CSMD3: variants seen among roughly 807,000 people sequenced by gnomAD.
CSMD3 encodes the protein CUB and Sushi multiple domains 3.
A neutral mutation model predicts 435.2 loss-of-function variants in CSMD3; 177 were observed. The observed-to-expected ratio is 0.41, with a 90% CI of 0.36 to 0.46. The LOEUF (loss-of-function observed/expected upper bound fraction) is 0.46. Ranked by LOEUF, CSMD3 falls within the 20% of genes least tolerant of loss-of-function variation. The probability of loss-of-function intolerance (pLI) is 0.34; values close to 1 mark genes in which losing one functional copy is unlikely to be tolerated. For missense variants in CSMD3, 4,265 were observed against 4,504.6 expected (o/e 0.95, Z 1.52); for synonymous variants, 1,656 against 1,520.5 (o/e 1.09, Z -2.07).
chr8:113,287,452 A>G (rs547499952), intron 2 of CSMD3, among the ~76,000 whole-genome samples: 12 of 152,186 alleles, frequency 7.9e-5, no homozygotes, highest in Non-Finnish European at 1.5e-4. Flanking sequence ...CAGCACAATA[A>G]TTCATGGTTA....
At chr8:113,219,638 A>G (rs968313387) in intron 3 of CSMD3, among the ~76,000 whole-genome samples, 1 of 151,438 alleles carries the variant, frequency 6.6e-6, no homozygotes, top group Non-Finnish European at 1.5e-5. Context: ...TCTTCAAACA[A>G]TACATCAGAA....
intron 59 of CSMD3, among the ~76,000 whole-genome samples, chr8:112,279,318 T>C (rs1818404113): frequency 6.6e-6 from 1 of 152,192 alleles, no homozygotes; most frequent in African/African-American, 2.4e-5. Context: ...AGGTATATCC[T>C]GTACTTTAGA....
chr8:112,263,137 T>TAAAAAAAAAAAAAAAAAAAAAAA (rs58022386), intron 61 of CSMD3, among the ~76,000 whole-genome samples: 1 of 138,020 alleles, frequency 7.2e-6, no homozygotes. Context: ...GCAACCTCTG[T>TAAAAAAAAAAAAAAAAAAAAAAA]AAAAAAAAAA....
At chr8:113,357,617 G>C (rs2094240722) in intron 1 of CSMD3, among the ~76,000 whole-genome samples, 2 of 152,094 alleles carry the variant, frequency 1.3e-5, no homozygotes, top group Non-Finnish European at 2.9e-5. Flanking sequence ...TGTCTTCTTG[G>C]AGTATGATAT....
At chr8:112,284,880 G>C (rs1394817354) in intron 58 of CSMD3, among the ~76,000 whole-genome samples, 1 of 151,786 alleles carries the variant, frequency 6.6e-6, no homozygotes, top group Non-Finnish European at 1.5e-5. Context: ...TAAAGTTCTA[G>C]TTTTGCTGCT....
intron 22 of CSMD3, among the ~76,000 whole-genome samples, chr8:112,632,737 A>T (rs936288814): frequency 6.6e-6 from 1 of 152,154 alleles, no homozygotes; most frequent in Admixed American, 6.5e-5. Flanking sequence ...GAAATCATGT[A>T]CTTATATCTT....
At chr8:112,345,469 T>G (rs1274265700) in intron 41 of CSMD3, among the ~76,000 whole-genome samples, 1 of 152,118 alleles carries the variant, frequency 6.6e-6, no homozygotes, top group Non-Finnish European at 1.5e-5. Context: ...GGGCATTATG[T>G]TAAGTGCAAT....
In CSMD3 at chr8:112,618,844, T is replaced by C. The variant is rs577009254; in HGVS notation, c.3715+17973A>G. On this transcript the variant is annotated intron_variant, in intron 22 of 70. Transcript: ENST00000297405. Reference sequence around the variant, plus strand: ...ATATTCATGATTAAGTTAACTCCTATAACTGTTTCTTTTTGGGCTTAATTC... The same window carrying C: ...ATATTCATGATTAAGTTAACTCCTACAACTGTTTCTTTTTGGGCTTAATTC... Among the ~76,000 whole-genome samples the C allele has an allele frequency of 8.5e-5, 13 of 152,262 alleles. No homozygotes were observed. The South Asian group carries it at 2.7e-3, about 32-fold the overall frequency.
At chr8:112,586,091 T>G (rs1204719829) in intron 23 of CSMD3, among the ~76,000 whole-genome samples, 1 of 151,658 alleles carries the variant, frequency 6.6e-6, no homozygotes, top group Non-Finnish European at 1.5e-5. Flanking sequence ...ACAAATCTTA[T>G]AAGCATATCA....
chr8:112,663,102 G>C (rs1218822371), intron 17 of CSMD3, among the ~76,000 whole-genome samples: 1 of 152,072 alleles, frequency 6.6e-6, no homozygotes, highest in African/African-American at 2.4e-5. Context: ...TCTAGAACTA[G>C]AAATACCATT....
intron 46 of CSMD3, 26 bp downstream of exon 46, chr8:112,319,875 C>T (rs534211822): frequency 1.3e-6 from 2 of 1,514,664 alleles, no homozygotes; most frequent in African/African-American, 2.7e-5. Context: ...AGTATGTTTT[C>T]CTTGAAAATA....
At chr8:113,090,344 G>T (rs907422412) in intron 5 of CSMD3, among the ~76,000 whole-genome samples, 1 of 151,830 alleles carries the variant, frequency 6.6e-6, no homozygotes, top group East Asian at 1.9e-4. Context: ...TCAGAAAATT[G>T]TCTTATTAAG....
At chr8:112,737,113 A>G (rs2077203336) in intron 13 of CSMD3, among the ~76,000 whole-genome samples, 1 of 152,008 alleles carries the variant, frequency 6.6e-6, no homozygotes. Flanking sequence ...ACAAATAACT[A>G]ATTGGATAAG....
chr8:112,346,821 G>A (rs976145109), intron 40 of CSMD3, among the ~76,000 whole-genome samples: 4 of 151,886 alleles, frequency 2.6e-5, no homozygotes, highest in Middle Eastern at 3.4e-3. Flanking sequence ...TGGGACTACA[G>A]GCGCCTGCCA....
chr8:113,349,143 C>G (rs1001850915), intron 1 of CSMD3, among the ~76,000 whole-genome samples: 4 of 152,024 alleles, frequency 2.6e-5, no homozygotes, highest in Non-Finnish European at 5.9e-5. Flanking sequence ...GAGAGAATTC[C>G]TTAGTGCCCT....
At chr8:113,235,841 A>T (rs980334889) in intron 3 of CSMD3, among the ~76,000 whole-genome samples, 15 of 149,402 alleles carry the variant, frequency 1.0e-4, no homozygotes, top group Middle Eastern at 3.4e-3. Context: ...ATGACCACCC[A>T]ATTTTTTGCA....
intron 36 of CSMD3, among the ~76,000 whole-genome samples, chr8:112,389,975 C>T (rs1233265010): frequency 6.6e-6 from 1 of 152,180 alleles, no homozygotes; most frequent in Admixed American, 6.5e-5. Flanking sequence ...CATCTTCCTT[C>T]CTTGCTAACA....
intron 4 of CSMD3, among the ~76,000 whole-genome samples, chr8:113,152,759 G>A (rs1007660056): frequency 2.0e-5 from 3 of 151,774 alleles, no homozygotes; most frequent in African/African-American, 7.3e-5. Context: ...TGAGTGGATT[G>A]CTTGAGGCCA....
intron 10 of CSMD3, among the ~76,000 whole-genome samples, chr8:112,875,512 T>C (rs1424518329): frequency 6.6e-6 from 1 of 152,160 alleles, no homozygotes; most frequent in Non-Finnish European, 1.5e-5. Context: ...CTGAAGAGTG[T>C]TTTCCAACTT....
Sources: allele counts gnomAD v4.1 joint callset (sites outside exome capture counted in the v4.1 genomes callset), GRCh38; gene constraint gnomAD v4.1.1; transcripts MANE v1.5; gene names NCBI Gene and HGNC (gene_info 2026-07-23, HGNC 2026-07-21).